SHARPIN: variants seen among roughly 807,000 people sequenced by gnomAD.
The protein encoded by SHARPIN is hSIPL1.
Under a neutral mutation model 40.3 loss-of-function variants are expected in SHARPIN, and 25 were observed. The ratio of observed to expected loss-of-function variants is 0.62; its 90% CI spans 0.45 to 0.87. SHARPIN has a LOEUF of 0.87. Among genes scored for constraint, SHARPIN ranks in the 40% least tolerant of loss-of-function variants. The pLI is 0.00. For missense variants in SHARPIN, 551 were observed against 516.1 expected, an observed-to-expected ratio of 1.07 and a Z score of -0.66; for synonymous variants, 274 against 221.8, an observed-to-expected ratio of 1.24 and a Z score of -2.09.
At chr8:144,100,111 C>T (rs770036763) in intron 2 of SHARPIN, 42 bp from the exon 3 acceptor site, 3 of 1,526,368 alleles carry the variant, frequency 2.0e-6, no homozygotes, top group Middle Eastern at 3.5e-4. Flanking sequence ...GGCCTCTGTC[C>T]AGGCCTCTAG....
Position 144,099,263 on chromosome 8 carries a change from C to T in SHARPIN, c.922+14G>A, listed in dbSNP as rs1836234031. The stretch of plus-strand genomic sequence containing the variant: ...CACCCCACCTCCCACACCCCACCCC[C>T]ATCGAGGACTGACCTGGGGCTTCTC... On this transcript the variant is annotated intron_variant, in intron 6 of 8. Transcript: ENST00000398712. The T allele has an allele frequency of 6.2e-7, 1 of 1,613,996 alleles. No homozygotes were observed. Among genetic ancestry groups the T allele is most frequent in the South Asian group, 1.1e-5 (1 of 91,078 alleles).
At position 144,098,975 on chromosome 8, in the gene SHARPIN, G is replaced by C. The variant is rs764859723; in HGVS notation, c.1067C>G (p.Ser356Cys). ...GTCTGGGGCATTGATGAAGGTGCAGGAAGGACAGGACCAGCTGGGCTGGGG... is the reference window on the plus strand; with the variant it reads ...GTCTGGGGCATTGATGAAGGTGCAGCAAGGACAGGACCAGCTGGGCTGGGG... ...SPLQPSWSCP[S>C]CTFINAPDRP... is the part of the protein sequence containing the mutation. The change falls in exon 8 of 9, where the codon TCC (serine) becomes TGC (cysteine). Residue 356 changes from serine to cysteine, a missense_variant. Ser to Cys is a moderately radical substitution (Grantham distance 112). Transcript: ENST00000398712. 1 of 1,601,794 alleles carries C rather than the reference G, an allele frequency of 6.2e-7. No individual in the cohort carries two copies. Among genetic ancestry groups the C allele is most frequent in the African/African-American group, 1.4e-5 (1 of 73,960 alleles).
At position 144,099,174 on chromosome 8, in the gene SHARPIN, C is replaced by A. The variant is rs758600035; in HGVS notation, c.954G>T (p.Lys318Asn). The change falls in exon 7 of 9, where the codon AAG (lysine) becomes AAT (asparagine). Residue 318 changes from lysine (K) to asparagine (N), a missense_variant. Physicochemically the swap from Lys to Asn is moderately conservative, Grantham distance 94. Transcript: ENST00000398712. ...ATGPSPQHPQ[K>N]MDGELGRLFP... The stretch of plus-strand genomic sequence containing the variant: ...ACAAGCGTCCAAGTTCCCCGTCCAT[C>A]TTCTGGGGGTGCTGAGGGCTAGGTC... The A allele has an allele frequency of 2.5e-6, 4 of 1,593,446 alleles. No individual in the cohort carries two copies. The highest frequency in any genetic ancestry group is 2.6e-6 in the Non-Finnish European group (3 of 1,171,404).
chr8:144,102,672 T>C (rs942517744), intron 2 of SHARPIN: 8 of 344,726 alleles, frequency 2.3e-5, no homozygotes, highest in Admixed American at 4.5e-5. Flanking sequence ...GCAGGAGGTA[T>C]CTGAGTCTGT....
chr8:144,103,465 C>T, intron 1 of SHARPIN, 88 bp downstream of exon 1: 1 of 1,355,102 alleles, frequency 7.4e-7, no homozygotes, highest in Non-Finnish European at 1.0e-6. Context: ...TTAAGGGCAC[C>T]CAGGTGGCAA....
chr8:144,099,611 C>T lies in SHARPIN; in HGVS notation c.667G>A (p.Val223Ile). Reference protein sequence around the residue: ...CFPPGPIRLQVTLEDAASAAS... With the variant: ...CFPPGPIRLQITLEDAASAAS... ...GCAGAGGCAGCGTCTTCAAGTGTGA[C>T]CTGCAGCCTGTGCCAGAATGTGGGT... The change falls in exon 5 of 9, where the codon GTC (valine) becomes ATC (isoleucine). Residue 223 changes from valine (V) to isoleucine (I), a missense_variant. Val to Ile is a conservative substitution (Grantham distance 29). Transcript: ENST00000398712. The T allele has an allele frequency of 1.2e-6, 2 of 1,613,898 alleles. No individual in the cohort carries two copies. The highest frequency in any genetic ancestry group is 2.2e-5 in the South Asian group (2 of 91,050).
At chr8:144,103,381 A>G (rs1291081328) in intron 1 of SHARPIN, among the ~76,000 whole-genome samples, 156 bp from the exon 2 acceptor site, 1 of 152,260 alleles carries the variant, frequency 6.6e-6, no homozygotes, top group Non-Finnish European at 1.5e-5. Flanking sequence ...AAGTAGGTCC[A>G]GGTAGGTCCC....
chr8:144,099,994 G>A lies in SHARPIN; in HGVS notation c.452C>T (p.Ser151Phe), dbSNP rs957529423. The stretch of plus-strand genomic sequence containing the variant: ...CTCAGGTGGAGGGCCCTTGAGTGTG[G>A]AGGCTTCCGGGGGACTGGGCAGGGA... ...PVSLPSPPEASTLKGPPPEAD... is the reference protein window; with the variant it reads ...PVSLPSPPEAFTLKGPPPEAD... The change falls in exon 3 of 9, where the codon TCC becomes TTC. Residue 151 changes from serine to phenylalanine, a missense_variant. Ser to Phe is a radical substitution (Grantham distance 155, BLOSUM62 -2). Coordinates refer to ENST00000398712, the MANE Select transcript of SHARPIN (RefSeq NM_030974.4). 1.2e-6 allele frequency: 2 copies of A among 1,610,750 alleles called. No homozygotes were observed. Among genetic ancestry groups the A allele is most frequent in the Non-Finnish European group, 1.7e-6 (2 of 1,178,272 alleles).
chr8:144,100,129 G>A (rs1355035566), intron 2 of SHARPIN, 60 bp from the exon 3 acceptor site: 39 of 1,510,948 alleles, frequency 2.6e-5, no homozygotes, highest in Non-Finnish European at 3.2e-5. Flanking sequence ...TAGGCCCTTG[G>A]TTTTCCAGGA....
rs764962159 is a variant in SHARPIN at position 144,103,044 on chromosome 8, C to G, written c.376+7G>C. Reference sequence around the variant, plus strand: ...AATTGTAATTGTATCCATTACAGGGCACTGACCATTCTGTCCTTCCACGGT... The same window carrying G: ...AATTGTAATTGTATCCATTACAGGGGACTGACCATTCTGTCCTTCCACGGT... On this transcript the variant is annotated splice_region_variant and intron_variant, in intron 2 of 8. Transcript: ENST00000398712. 9.3e-6 allele frequency: 15 copies of G among 1,613,240 alleles called. No homozygotes were observed. Among genetic ancestry groups the G allele is most frequent in the Middle Eastern group, 1.7e-4 (1 of 6,048 alleles).
chr8:144,102,823 G>T, intron 2 of SHARPIN: 2 of 624,866 alleles, frequency 3.2e-6, no homozygotes, highest in Non-Finnish European at 2.9e-6. Flanking sequence ...AGGTTCCAGG[G>T]CTTCCTGGTG....
chr8:144,103,260 C>G (rs760223155), intron 1 of SHARPIN, 35 bp from the exon 2 acceptor site: 7 of 1,566,148 alleles, frequency 4.5e-6, no homozygotes, highest in African/African-American at 1.4e-5. Context: ...CAGGGCGTCC[C>G]CCCGCCCTAC....
At chr8:144,103,270 C>G in intron 1 of SHARPIN, 45 bp from the exon 2 acceptor site, 1 of 1,552,424 alleles carries the variant, frequency 6.4e-7, no homozygotes, top group Admixed American at 1.9e-5. Flanking sequence ...CCCCGCCCTA[C>G]ATCGCACGAG....
Position 144,099,914 on chromosome 8 carries a change from TCCC to T in SHARPIN, c.517+12_517+14del. The T allele has an allele frequency of 4.7e-6, 2 of 427,460 alleles. No individual in the cohort carries two copies. The highest frequency in any genetic ancestry group is 7.4e-6 in the Non-Finnish European group (2 of 269,726). 26.5% of individuals were successfully genotyped at this position (427,460 alleles called of 1,614,324 possible). On this transcript the variant is annotated intron_variant, in intron 3 of 8. Coordinates refer to ENST00000398712, the MANE Select transcript of SHARPIN (RefSeq NM_030974.4). ...GCTATCCCCGAACCCCCCAACCCCC[TCCC>T]CCCACCTGTACCTCTCTCCGTCAAG...
chr8:144,100,202 A>C (rs975822041), intron 2 of SHARPIN, 133 bp from the exon 3 acceptor site: 2 of 1,104,516 alleles, frequency 1.8e-6, no homozygotes, highest in Non-Finnish European at 2.5e-6. Context: ...ACTTCTAGCC[A>C]CACCTTCTCC....
At position 144,098,719 on chromosome 8, in the gene SHARPIN, G is replaced by C; in HGVS notation, c.*82C>G. ...ACTGTCCCAGCAAGCAGTCAGTAGA[G>C]GTCCCCGGAGTTCAGTGGGGGCCTG... is the stretch of plus-strand genomic sequence containing the variant. On this transcript the variant is annotated 3_prime_UTR_variant, in exon 9 of 9. Coordinates refer to ENST00000398712, the MANE Select transcript of SHARPIN (RefSeq NM_030974.4). 1.8e-6 allele frequency: 1 copy of C among 562,130 alleles called. No individual in the cohort carries two copies. 34.8% of individuals were successfully genotyped at this position (562,130 alleles called of 1,614,324 possible). A position where few individuals can be genotyped will look rare whatever the true frequency, so the allele number is the denominator to read the frequency against.
intron 2 of SHARPIN, 182 bp downstream of exon 2, chr8:144,102,869 G>A (rs1309213311): frequency 5.5e-6 from 4 of 724,346 alleles, no homozygotes; most frequent in East Asian, 2.5e-5. Context: ...GCCTCAGATG[G>A]TGTAGGAGAC....
At chr8:144,102,005 C>T (rs182638894) in intron 2 of SHARPIN, among the ~76,000 whole-genome samples, 1 of 152,202 alleles carries the variant, frequency 6.6e-6, no homozygotes, top group Non-Finnish European at 1.5e-5. Flanking sequence ...TTGTGGGCTG[C>T]CCTCTATCTG....
At position 144,098,641 on chromosome 8, in the gene SHARPIN, T is replaced by A. The variant is rs757426535; in HGVS notation, c.*160A>T. 1.8e-4 allele frequency: 69 copies of A among 393,244 alleles called. 1 individual carries two copies. Among genetic ancestry groups the A allele is most frequent in the Middle Eastern group, 6.9e-4 (1 of 1,452 alleles). The allele number at this position is 393,244 out of a possible 1,614,324, so 24.4% of individuals were successfully genotyped here. On this transcript the variant is annotated 3_prime_UTR_variant, in exon 9 of 9. Coordinates refer to ENST00000398712, the MANE Select transcript of SHARPIN (RefSeq NM_030974.4). Reference sequence around the variant, plus strand: ...CACCATGAAAGGGATGCTTGCTGGCTCTTAAGGGTCTTTAATGGTTTCATT... The same window carrying A: ...CACCATGAAAGGGATGCTTGCTGGCACTTAAGGGTCTTTAATGGTTTCATT...
Sources: gnomAD v4.1 joint callset for allele counts (sites outside exome capture counted in the v4.1 genomes callset) on GRCh38, gnomAD v4.1.1 for gene constraint, MANE v1.5 for transcripts, NCBI Gene and HGNC (gene_info 2026-07-23, HGNC 2026-07-21) for gene names.